Variants in CNGA1 observed in about 807,000 individuals in gnomAD.
The protein encoded by CNGA1 is cyclic nucleotide gated channel subunit alpha 1.
In CNGA1, 53 loss-of-function variants were observed where a neutral mutation model predicts 69.7. The ratio of observed to expected loss-of-function variants is 0.76; its 90% CI spans 0.61 to 0.96. The LOEUF is 0.96. CNGA1 is among the 40% of genes least tolerant of loss of function. The pLI is 0.00. For missense variants in CNGA1, 739 were observed against 811.2 expected, an observed-to-expected ratio of 0.91 and a Z score of 1.08; for synonymous variants, 249 against 283.5, an observed-to-expected ratio of 0.88 and a Z score of 1.22.
chr4:47,982,678 C>T (rs1741774371), intron 2 of CNGA1, among the ~76,000 whole-genome samples: 1 of 151,984 alleles, frequency 6.6e-6, no homozygotes, highest in Non-Finnish European at 1.5e-5. Flanking sequence ...ATTTATATCG[C>T]TAAATATCTA....
intron 3 of CNGA1, among the ~76,000 whole-genome samples, chr4:47,955,424 C>A (rs1740030628): frequency 6.6e-6 from 1 of 152,018 alleles, no homozygotes; most frequent in East Asian, 1.9e-4. Flanking sequence ...CTCAGGTGAT[C>A]CGCCCCCTTC....
At position 47,947,914 on chromosome 4, in the gene CNGA1, C is replaced by T. The variant is rs1392487740; in HGVS notation, c.287+1919G>A. On this transcript the variant is annotated intron_variant, in intron 6 of 10. Transcript: ENST00000514170. ...TGTTTTTTGCTCGTAGTGAACATGCCTGTTACAGAGACCAATGCTATGACT... is the reference window on the plus strand; with the variant it reads ...TGTTTTTTGCTCGTAGTGAACATGCTTGTTACAGAGACCAATGCTATGACT... 2.0e-5 allele frequency among the ~76,000 whole-genome samples: 3 copies of T among 152,220 alleles called. No homozygotes were observed. The East Asian group carries it at 5.8e-4, about 29-fold the overall frequency.
intron 2 of CNGA1, among the ~76,000 whole-genome samples, chr4:48,002,700 CA>C (rs1019040498): frequency 5.1e-5 from 5 of 98,744 alleles, no homozygotes; most frequent in Admixed American, 1.9e-4. Flanking sequence ...AAAAAAAAAA[CA>C]AAAACAAAAA....
chr4:47,970,794 A>G (rs1488152747), intron 3 of CNGA1: 4 of 443,056 alleles, frequency 9.0e-6, no homozygotes, highest in Non-Finnish European at 1.8e-5. Flanking sequence ...TATTTTATAT[A>G]CTATATAGTA....
intron 3 of CNGA1, among the ~76,000 whole-genome samples, chr4:47,953,605 G>T (rs1341134914): frequency 6.6e-6 from 1 of 152,188 alleles, no homozygotes; most frequent in Non-Finnish European, 1.5e-5. Context: ...ACTCTAGTCA[G>T]GACATATTAT....
intron 6 of CNGA1, among the ~76,000 whole-genome samples, chr4:47,945,513 G>T (rs1739346672): frequency 6.6e-6 from 1 of 152,206 alleles, no homozygotes; most frequent in Non-Finnish European, 1.5e-5. Flanking sequence ...CCTAGGGATT[G>T]AAGCATCATC....
intron 3 of CNGA1, chr4:47,959,137 C>T (rs916018534): frequency 1.3e-5 from 2 of 152,116 alleles, no homozygotes; most frequent in Non-Finnish European, 2.9e-5. Context: ...TAGAGAAAGA[C>T]AGGTATAAGT....
chr4:47,974,844 T>C (rs908174954), intron 3 of CNGA1, among the ~76,000 whole-genome samples: 3 of 152,222 alleles, frequency 2.0e-5, no homozygotes, highest in Non-Finnish European at 2.9e-5. Context: ...GCTTAGTTTC[T>C]AGCCCTAGCT....
chr4:47,937,340 C>G lies in CNGA1; in HGVS notation c.1142G>C (p.Gly381Ala), dbSNP rs749990018. Reference protein sequence around the residue: ...YVFVVVDFLIGVLIFATIVGN... With the variant: ...YVFVVVDFLIAVLIFATIVGN... The stretch of plus-strand genomic sequence containing the variant: ...AACGATGGTAGCAAAAATTAACACT[C>G]CAATTAGGAAATCAACCACCACAAA... The change falls in exon 11 of 11, where the codon GGA (glycine) becomes GCA (alanine). Residue 381 changes from glycine (G) to alanine (A), a missense_variant. Physicochemically the swap from Gly to Ala is moderately conservative, Grantham distance 60. Transcript: ENST00000514170. 41 of 1,613,946 alleles carry G rather than the reference C, an allele frequency of 2.5e-5. No homozygotes were observed. The Middle Eastern group carries it at 6.6e-4, about 26-fold the overall frequency.
intron 5 of CNGA1, among the ~76,000 whole-genome samples, chr4:47,950,219 T>C (rs1324306735): frequency 2.0e-5 from 3 of 152,172 alleles, no homozygotes; most frequent in African/African-American, 4.8e-5. Flanking sequence ...TGGGAAGTAA[T>C]TGAATCATAG....
At chr4:47,993,500 AT>A (rs1428472203) in intron 2 of CNGA1, among the ~76,000 whole-genome samples, 3 of 151,914 alleles carry the variant, frequency 2.0e-5, no homozygotes, top group African/African-American at 7.2e-5. Context: ...GCCTCGAATA[AT>A]CTTTTGTATT....
Position 47,937,429 on chromosome 4 carries a change from C to T in CNGA1, c.1053G>A (p.Trp351Ter). The T allele has an allele frequency of 6.2e-7, 1 of 1,614,064 alleles. No homozygotes were observed. The highest frequency in any genetic ancestry group is 8.5e-7 in the Non-Finnish European group (1 of 1,180,008). The change falls in exon 11 of 11, where the codon TGG becomes TGA. Residue 351 changes from tryptophan (W) to a stop codon, truncating the protein, a stop_gained. Coordinates refer to ENST00000514170, the MANE Select transcript of CNGA1 (RefSeq NM_001379270.1). LOFTEE classifies it high-confidence loss of function. ...CAATGGTAGTCAAAGTCAGTGTAGACCAGTAAAGGCTGTATACGTATTTTC... is the reference window on the plus strand; with the variant it reads ...CAATGGTAGTCAAAGTCAGTGTAGATCAGTAAAGGCTGTATACGTATTTTC... ...LARKYVYSLY[W>*]STLTLTTIGE...
At chr4:47,969,157 C>A (rs1480307786) in intron 3 of CNGA1, among the ~76,000 whole-genome samples, 2 of 152,028 alleles carry the variant, frequency 1.3e-5, no homozygotes, top group Non-Finnish European at 2.9e-5. Context: ...TAATACTGCT[C>A]ATTAATCCTC....
Position 47,936,184 on chromosome 4 carries a change from T to C in CNGA1, c.*237A>G, listed in dbSNP as rs982025948. On this transcript the variant is annotated 3_prime_UTR_variant, in exon 11 of 11. Coordinates refer to ENST00000514170, the MANE Select transcript of CNGA1 (RefSeq NM_001379270.1). ...ATCAGAAAATACAGACACTGACAAG[T>C]TAATCAGTTTATATCTTTGCACATT... 6 of 557,030 alleles carry C rather than the reference T, an allele frequency of 1.1e-5. No individual in the cohort carries two copies. The African/African-American group carries it at 1.1e-4, about 10-fold the overall frequency. The allele number at this position is 557,030 out of a possible 1,614,324, so 34.5% of individuals were successfully genotyped here. A position where few individuals can be genotyped will look rare whatever the true frequency, so the allele number is the denominator to read the frequency against.
intron 2 of CNGA1, among the ~76,000 whole-genome samples, chr4:48,003,973 C>T (rs1011672729): frequency 1.3e-5 from 2 of 152,130 alleles, no homozygotes; most frequent in East Asian, 1.9e-4. Context: ...CAGGCCCGCC[C>T]GCAGTTATCC....
chr4:47,981,181 G>T (rs1741691608), intron 3 of CNGA1, among the ~76,000 whole-genome samples: 1 of 152,164 alleles, frequency 6.6e-6, no homozygotes, highest in African/African-American at 2.4e-5. Context: ...ACTATTTTGT[G>T]ATATTCAGAT....
At chr4:47,940,942 A>G in intron 9 of CNGA1, 73 bp from the exon 10 acceptor site, 2 of 992,522 alleles carry the variant, frequency 2.0e-6, no homozygotes, top group Non-Finnish European at 3.2e-6. Flanking sequence ...CTCTTTGTAT[A>G]TTTTCTTTAT....
intron 2 of CNGA1, among the ~76,000 whole-genome samples, chr4:47,983,938 C>T (rs1741861643): frequency 2.0e-5 from 3 of 152,104 alleles, no homozygotes; most frequent in African/African-American, 2.4e-5. Flanking sequence ...CTAGATTTGG[C>T]AACTAAAAGT....
intron 10 of CNGA1, among the ~76,000 whole-genome samples, chr4:47,939,656 G>A (rs756979264): frequency 5.3e-5 from 8 of 152,168 alleles, no homozygotes; most frequent in Non-Finnish European, 7.3e-5. Flanking sequence ...TCTAACTCCC[G>A]TTAGTGTCCA....
Sources: allele counts gnomAD v4.1 joint callset (sites outside exome capture counted in the v4.1 genomes callset), GRCh38; gene constraint gnomAD v4.1.1; transcripts MANE v1.5; gene names NCBI Gene and HGNC (gene_info 2026-07-23, HGNC 2026-07-21).